The following AARS1 variants were observed in gnomAD, a reference collection of about 807,000 sequenced individuals.
AARS1 encodes the protein alanine--tRNA ligase, cytoplasmic.
A neutral mutation model predicts 108.9 loss-of-function variants in AARS1; 72 were observed. The ratio of observed to expected loss-of-function variants is 0.66; its 90% CI spans 0.55 to 0.80. The LOEUF (loss-of-function observed/expected upper bound fraction) is 0.80, where lower values mean the gene tolerates loss of function less well. Among genes scored for constraint, AARS1 ranks in the 30% least tolerant of loss-of-function variants. The probability of loss-of-function intolerance (pLI) is 0.00; values close to 1 mark genes in which losing one functional copy is unlikely to be tolerated. For missense variants in AARS1, 1,193 were observed against 1,233.2 expected (o/e 0.97, Z 0.49); for synonymous variants, 489 against 465.7 (o/e 1.05, Z -0.64).
rs140048586 is a variant in AARS1 at position 70,252,811 on chromosome 16, C to T, written c.2817G>A (p.Gln939=). The part of the protein sequence containing the change: ...GKGGGKDVSA[Q]ATGKNVGCLQ... ...GGCAGCCAACGTTCTTGCCTGTGGC[C>T]TGTGCAGACACATCCTTGCCACCAC... Residue 939 remains glutamine, a synonymous_variant, in exon 21 of 21, where the codon CAG becomes CAA. Coordinates refer to ENST00000261772, the MANE Select transcript of AARS1 (RefSeq NM_001605.3). 2.9e-5 allele frequency: 47 copies of T among 1,614,104 alleles called. No homozygotes were observed. In the African/African-American group the frequency reaches 5.6e-4, roughly 19 times the overall value.
At chr16:70,270,469 T>A (rs1361264251) in intron 5 of AARS1, 129 bp from the exon 6 acceptor site, 1 of 1,152,192 alleles carries the variant, frequency 8.7e-7, no homozygotes, top group Non-Finnish European at 1.3e-6. Context: ...CCCGGTTTGG[T>A]GGGAAGAGGG....
chr16:70,276,822 T>C, intron 3 of AARS1, 144 bp downstream of exon 3: 1 of 1,167,210 alleles, frequency 8.6e-7, no homozygotes, highest in South Asian at 1.3e-5. Context: ...TTCCAGGAAG[T>C]CTTAGAATTA....
rs771519250 is a variant in AARS1 at position 70,254,159 on chromosome 16, A to T, written c.2401-121T>A. On this transcript the variant is annotated intron_variant, in intron 17 of 20. Coordinates refer to ENST00000261772, the MANE Select transcript of AARS1 (RefSeq NM_001605.3). ...GTGTCCTGGAAAGGAAAGCAAGGAAAGCTTTGAGACCAGTCCCTTTAGGAG... is the reference window on the plus strand; with the variant it reads ...GTGTCCTGGAAAGGAAAGCAAGGAATGCTTTGAGACCAGTCCCTTTAGGAG... 166 of 1,364,868 alleles carry T rather than the reference A, an allele frequency of 1.2e-4. 5 individuals are homozygous for T. In the South Asian group the frequency reaches 1.9e-3, roughly 15 times the overall value. The allele number at this position is 1,364,868 out of a possible 1,614,324, so 84.5% of individuals were successfully genotyped here. A position where few individuals can be genotyped will look rare whatever the true frequency, so the allele number is the denominator to read the frequency against.
At position 70,273,863 on chromosome 16, in the gene AARS1, CAAAAAAAA is replaced by C. The variant is rs71385651; in HGVS notation, c.480-1899_480-1892del. ...GGGCGACAGAGCGGGACTCCGTCTC[CAAAAAAAA>C]AAAAAAAAAAAAAAAAATTAGCCAG... On this transcript the variant is annotated intron_variant, in intron 4 of 20. Coordinates refer to ENST00000261772, the MANE Select transcript of AARS1 (RefSeq NM_001605.3). 1.8e-4 allele frequency among the ~76,000 whole-genome samples: 10 copies of C among 54,238 alleles called. No individual in the cohort carries two copies. In the South Asian group the frequency reaches 2.4e-3, roughly 13 times the overall value. The allele number at this position is 54,238 out of a possible 152,430, so 35.6% of individuals were successfully genotyped here. A position where few individuals can be genotyped will look rare whatever the true frequency, so the allele number is the denominator to read the frequency against.
intron 4 of AARS1, among the ~76,000 whole-genome samples, chr16:70,272,925 A>AC (rs1567608990): frequency 1.4e-5 from 1 of 71,130 alleles, no homozygotes; most frequent in Admixed American, 1.2e-4. Context: ...CACACACACA[A>AC]AAGATTGTGC....
chr16:70,270,175 T>C (rs756458211), intron 6 of AARS1, 21 bp downstream of exon 6: 2 of 1,613,898 alleles, frequency 1.2e-6, no homozygotes, highest in Non-Finnish European at 1.7e-6. Context: ...AAGTTTACAA[T>C]GTTTGCAATA....
rs559310734 is a variant in AARS1, at chr16:70,289,471, G to C, written c.-72C>G. 1 of 428,892 alleles carries C rather than the reference G, an allele frequency of 2.3e-6. No homozygotes were observed. The highest frequency in any genetic ancestry group is 4.7e-6 in the Non-Finnish European group (1 of 212,466). 26.6% of individuals were successfully genotyped at this position (428,892 alleles called of 1,614,324 possible). On this transcript the variant is annotated 5_prime_UTR_variant, in exon 1 of 21. Coordinates refer to ENST00000261772, the MANE Select transcript of AARS1 (RefSeq NM_001605.3). Reference sequence around the variant, plus strand: ...TCCTCCCTCAGAGTCCCCCGCCAAGGGCCCGCTGCACCTATTCCCGCAGAC... The same window carrying C: ...TCCTCCCTCAGAGTCCCCCGCCAAGCGCCCGCTGCACCTATTCCCGCAGAC...
At chr16:70,282,924 T>C in intron 1 of AARS1, 140 bp from the exon 2 acceptor site, 1 of 795,408 alleles carries the variant, frequency 1.3e-6, no homozygotes, top group Non-Finnish European at 2.1e-6. Context: ...TATGTTGTAA[T>C]GTCCAAGGCT....
intron 2 of AARS1, among the ~76,000 whole-genome samples, chr16:70,282,039 C>T (rs970198072): frequency 6.6e-6 from 1 of 152,016 alleles, no homozygotes. Flanking sequence ...GTAGTCCCAG[C>T]TACTTGGGAG....
intron 12 of AARS1, chr16:70,261,551 TCA>T: frequency 5.1e-5 from 10 of 195,948 alleles, no homozygotes; most frequent in South Asian, 2.2e-4. Context: ...TGAGCCAAGA[TCA>T]TGCCACTGCA....
At chr16:70,280,324 C>T (rs1305530634) in intron 2 of AARS1, among the ~76,000 whole-genome samples, 2 of 152,116 alleles carry the variant, frequency 1.3e-5, no homozygotes, top group South Asian at 2.1e-4. Context: ...TCCAGCGATT[C>T]TCCTGCCTCA....
chr16:70,283,383 G>C (rs962375525), intron 1 of AARS1, among the ~76,000 whole-genome samples: 5 of 150,024 alleles, frequency 3.3e-5, no homozygotes, highest in African/African-American at 1.2e-4. Flanking sequence ...GCGACAGAGA[G>C]AGACTCCGTC....
At chr16:70,256,133 T>C (rs1597434280) in intron 15 of AARS1, among the ~76,000 whole-genome samples, 1 of 152,232 alleles carries the variant, frequency 6.6e-6, no homozygotes, top group Admixed American at 6.5e-5. Flanking sequence ...GTGACAGTTT[T>C]GGTCTTGTAG....
intron 1 of AARS1, among the ~76,000 whole-genome samples, chr16:70,284,167 G>A (rs141045868): frequency 0.025 from 3,723 of 151,856 alleles, 61 homozygotes; most frequent in Middle Eastern, 0.075. Context: ...TTAGCCGGGC[G>A]TGGTGGCAGG....
chr16:70,265,538 C>G lies in AARS1; in HGVS notation c.1347G>C (p.Gln449His). 6.2e-7 allele frequency: 1 copy of G among 1,613,862 alleles called. No homozygotes were observed. The highest frequency in any genetic ancestry group is 8.5e-7 in the Non-Finnish European group (1 of 1,179,850). The change falls in exon 10 of 21, where the codon CAG becomes CAC. Residue 449 changes from glutamine to histidine, a missense_variant and splice_region_variant. Transcript: ENST00000261772. ...DGFEEERKLA[Q>H]LKSQGKGAGG... Reference sequence around the variant, plus strand: ...CCTGTTCACTCTCCAAGTTCTTTACCTGGGCCAGTTTCCTCTCCTCTTCAA... The same window carrying G: ...CCTGTTCACTCTCCAAGTTCTTTACGTGGGCCAGTTTCCTCTCCTCTTCAA...
rs924938994 is a variant in AARS1, at chr16:70,276,858, C to A, written c.333+108G>T. 1.1e-5 allele frequency: 15 copies of A among 1,342,424 alleles called. No homozygotes were observed. In the African/African-American group the frequency reaches 1.4e-4, roughly 13 times the overall value. 83.2% of individuals were successfully genotyped at this position (1,342,424 alleles called of 1,614,324 possible). A position where few individuals can be genotyped will look rare whatever the true frequency, so the allele number is the denominator to read the frequency against. ...ATAAATGCCATTCATTCCTGAATCA[C>A]CTAGATGATATTTCATATTTTAAAA... On this transcript the variant is annotated intron_variant, in intron 3 of 20. Transcript: ENST00000261772.
Position 70,276,617 on chromosome 16 carries a change from C to T in AARS1, c.348G>A (p.Lys116=). 6.2e-7 allele frequency: 1 copy of T among 1,614,040 alleles called. No individual in the cohort carries two copies. Among genetic ancestry groups the T allele is most frequent in the South Asian group, 1.1e-5 (1 of 91,082 alleles). ...CTTGGGTGAGGAGTTCCAGAGCCAT[C>T]TTACATGCCAATTCCTACAAAAAGA... ...FGDYFKELAC[K]MALELLTQEF... Residue 116 remains lysine (K), a synonymous_variant, in exon 4 of 21, where the codon AAG becomes AAA. Coordinates refer to ENST00000261772, the MANE Select transcript of AARS1 (RefSeq NM_001605.3).
chr16:70,253,592 C>T, intron 19 of AARS1, 122 bp downstream of exon 19: 1 of 1,240,490 alleles, frequency 8.1e-7, no homozygotes, highest in East Asian at 2.4e-5. Context: ...GCTGCTCCTC[C>T]CAATCTCAAT....
At chr16:70,258,943 G>C in intron 14 of AARS1, 37 bp downstream of exon 14, 1 of 1,590,378 alleles carries the variant, frequency 6.3e-7, no homozygotes, top group Non-Finnish European at 8.6e-7. Flanking sequence ...CAGTGACGGT[G>C]TGGGGAGGGG....
Sources: gnomAD v4.1 joint callset for allele counts (sites outside exome capture counted in the v4.1 genomes callset) on GRCh38, gnomAD v4.1.1 for gene constraint, MANE v1.5 for transcripts, NCBI Gene and HGNC (gene_info 2026-07-23, HGNC 2026-07-21) for gene names.